DMD: variants seen among roughly 807,000 people sequenced by gnomAD.
The protein encoded by DMD is dystrophin, also known as mutant dystrophin.
DMD carries 63 observed loss-of-function variants against 330.1 expected under a neutral mutation model. The ratio of observed to expected loss-of-function variants is 0.19; its 90% confidence interval spans 0.16 to 0.24. DMD has a LOEUF of 0.24. Among genes scored for constraint, DMD ranks in the 10% least tolerant of loss-of-function variants. DMD has a pLI of 1.00. For synonymous variants in DMD, 1,223 were observed against 959.8 expected, an observed-to-expected ratio of 1.27 and a Z score of -5.07; for missense variants, 3,344 against 2,684.1, an observed-to-expected ratio of 1.25 and a Z score of -5.43.
intron 47 of DMD, among the ~76,000 whole-genome samples, chrX:31,881,866 A>G (rs1406679084): frequency 2.7e-5 from 3 of 112,201 alleles, no homozygotes; most frequent in Non-Finnish European, 5.6e-5. Context: ...TAAGAAATGC[A>G]TGACTATATA....
chrX:31,867,089 T>TATATATATATATATATATATATATA (rs1395456607), intron 48 of DMD, among the ~76,000 whole-genome samples: 1 of 63,460 alleles, frequency 1.6e-5, no homozygotes, highest in African/African-American at 7.2e-5. Flanking sequence ...GCAACATATT[T>TATATATATATATATATATATATATA]TGATATATAT....
chrX:32,398,220 A>T (rs1354302175), intron 30 of DMD, among the ~76,000 whole-genome samples: 1 of 109,481 alleles, frequency 9.1e-6, no homozygotes, highest in African/African-American at 3.3e-5. Context: ...CAACAAGTAA[A>T]AAAAGAAGAA....
At chrX:32,367,774 C>A (rs977493693) in intron 34 of DMD, among the ~76,000 whole-genome samples, 2 of 111,615 alleles carry the variant, frequency 1.8e-5, no homozygotes, top group Non-Finnish European at 3.8e-5. Context: ...TTCTTAAGTT[C>A]CACAAAATTA....
At chrX:32,382,552 G>A (rs1349395105) in intron 33 of DMD, among the ~76,000 whole-genome samples, 4 of 110,155 alleles carry the variant, frequency 3.6e-5, no homozygotes, top group African/African-American at 1.3e-4. Flanking sequence ...AGAGGTGTGC[G>A]TACATTTAGA....
intron 62 of DMD, among the ~76,000 whole-genome samples, chrX:31,323,127 A>C (rs1046988218): frequency 8.9e-6 from 1 of 112,131 alleles, no homozygotes; most frequent in Non-Finnish European, 1.9e-5. Context: ...AGAATGAACA[A>C]CTAAGCCCTA....
chrX:32,382,895 T>C (rs5972551), intron 33 of DMD, among the ~76,000 whole-genome samples: 2,215 of 110,545 alleles, frequency 0.02, 53 homozygotes, highest in African/African-American at 0.067. Context: ...TTAAGGAAAA[T>C]TGAGTTTTAT....
chrX:32,177,600 A>C (rs2096910731), intron 44 of DMD, among the ~76,000 whole-genome samples: 1 of 110,563 alleles, frequency 9.0e-6, no homozygotes, highest in East Asian at 2.9e-4. Context: ...CTCGGACACC[A>C]GTGGTTCCCC....
At chrX:32,912,199 G>C (rs770710572) in intron 2 of DMD, among the ~76,000 whole-genome samples, 2 of 110,901 alleles carry the variant, frequency 1.8e-5, no homozygotes, top group South Asian at 3.9e-4. Context: ...CTGGTTGGAG[G>C]GGGGACATCA....
intron 44 of DMD, among the ~76,000 whole-genome samples, chrX:32,022,990 G>A (rs751489004): frequency 1.8e-5 from 2 of 109,657 alleles, no homozygotes; most frequent in Non-Finnish European, 1.9e-5. Flanking sequence ...GTGCCACCAC[G>A]CCCAGCTAAT....
intron 44 of DMD, among the ~76,000 whole-genome samples, chrX:32,104,238 C>T (rs942678629): frequency 1.8e-5 from 2 of 112,136 alleles, no homozygotes; most frequent in Admixed American, 9.5e-5. Flanking sequence ...GGAGGTAATA[C>T]ATAATCCTTC....
At chrX:31,380,267 A>T in intron 60 of DMD, among the ~76,000 whole-genome samples, 1 of 110,512 alleles carries the variant, frequency 9.0e-6, no homozygotes, top group Non-Finnish European at 1.9e-5. Flanking sequence ...TATTAGGCCG[A>T]GACACTTTAA....
chrX:32,600,788 C>T (rs904303446), intron 12 of DMD, among the ~76,000 whole-genome samples: 3 of 110,289 alleles, frequency 2.7e-5, no homozygotes, highest in East Asian at 2.9e-4. Context: ...GAAAGACTAA[C>T]GAGAAAAAAA....
chrX:31,833,348 G>GGAAA, intron 49 of DMD, among the ~76,000 whole-genome samples: 1 of 78,405 alleles, frequency 1.3e-5, no homozygotes, highest in African/African-American at 5.1e-5. Context: ...GAGTGGAGAG[G>GGAAA]GAGGGAGGGA....
intron 11 of DMD, among the ~76,000 whole-genome samples, chrX:32,623,099 G>A (rs766822539): frequency 4.5e-5 from 5 of 111,982 alleles, no homozygotes; most frequent in African/African-American, 1.3e-4. Flanking sequence ...CTTCAGTAAA[G>A]TAAGGAAGGG....
chrX:33,177,868 C>T (rs2049760339), intron 1 of DMD, among the ~76,000 whole-genome samples: 1 of 111,771 alleles, frequency 8.9e-6, no homozygotes, highest in Non-Finnish European at 1.9e-5. Context: ...TCTTTAGTCT[C>T]ATGATATTAA....
intron 44 of DMD, among the ~76,000 whole-genome samples, chrX:32,160,209 GTT>G (rs201236399): frequency 0.012 from 1,090 of 92,111 alleles, 20 homozygotes; most frequent in African/African-American, 0.042. Context: ...TCCAACTTTG[GTT>G]TTTTTTTTTT....
intron 2 of DMD, among the ~76,000 whole-genome samples, chrX:32,965,941 T>A (rs1174582811): frequency 1.8e-5 from 2 of 111,812 alleles, no homozygotes; most frequent in Admixed American, 1.9e-4. Context: ...AAAGCCAATA[T>A]AATAAAATAG....
At chrX:32,440,483 A>T (rs1480326498) in intron 28 of DMD, among the ~76,000 whole-genome samples, 1 of 111,315 alleles carries the variant, frequency 9.0e-6, no homozygotes, top group Non-Finnish European at 1.9e-5. Flanking sequence ...ATAGATTTAC[A>T]GAGGGGCTAT....
chrX:31,882,834 A>G (rs1247375902), intron 47 of DMD, among the ~76,000 whole-genome samples: 1 of 111,706 alleles, frequency 9.0e-6, no homozygotes, highest in Non-Finnish European at 1.9e-5. Context: ...GAAAATACAT[A>G]CTCTTGATGA....
Sources: gnomAD v4.1 joint callset for allele counts (sites outside exome capture counted in the v4.1 genomes callset) on GRCh38, gnomAD v4.1.1 for gene constraint, MANE v1.5 for transcripts, NCBI Gene and HGNC (gene_info 2026-07-23, HGNC 2026-07-21) for gene names.